SLC24A2: variants seen among roughly 807,000 people sequenced by gnomAD.
SLC24A2 encodes the protein sodium/potassium/calcium exchanger 2.
A neutral mutation model predicts 62.0 loss-of-function variants in SLC24A2; 36 were observed. The ratio of observed to expected loss-of-function variants is 0.58; its 90% CI spans 0.44 to 0.77. The LOEUF (loss-of-function observed/expected upper bound fraction) is 0.77, where lower values mean the gene tolerates loss of function less well. SLC24A2 is among the 30% of genes least tolerant of loss of function. The pLI is 0.00. For missense variants in SLC24A2, 846 were observed against 817.9 expected (o/e 1.03, Z -0.42); for synonymous variants, 358 against 294.0 (o/e 1.22, Z -2.23).
chr9:20,159,341 C>A, the SLC24A2 span, among the ~76,000 whole-genome samples: 1 of 151,658 alleles, frequency 6.6e-6, no homozygotes, highest in Non-Finnish European at 1.5e-5. Flanking sequence ...CTTGCATATA[C>A]ACTATCTCTT....
At chr9:19,765,751 G>A (rs555516430) in intron 2 of SLC24A2, among the ~76,000 whole-genome samples, 2 of 152,174 alleles carry the variant, frequency 1.3e-5, no homozygotes, top group East Asian at 1.9e-4. Context: ...TTTCAATTTT[G>A]GTGAATCTGA....
intron 2 of SLC24A2, among the ~76,000 whole-genome samples, chr9:19,762,188 C>T (rs915204966): frequency 3.3e-5 from 5 of 151,914 alleles, no homozygotes; most frequent in African/African-American, 1.2e-4. Flanking sequence ...GTTGAAGTTC[C>T]TTGTAGATTC....
the SLC24A2 span, among the ~76,000 whole-genome samples, chr9:19,953,978 A>G: frequency 6.6e-6 from 1 of 152,210 alleles, no homozygotes; most frequent in East Asian, 1.9e-4. Context: ...CTAAAAAAAA[A>G]AAAGTATCCC....
chr9:19,577,051 G>C, intron 5 of SLC24A2, 29 bp from the exon 6 acceptor site: 1 of 1,570,396 alleles, frequency 6.4e-7, no homozygotes, highest in Non-Finnish European at 8.8e-7. Flanking sequence ...GCAGGAAGGA[G>C]ACACAATGAG....
intron 2 of SLC24A2, among the ~76,000 whole-genome samples, chr9:19,754,917 G>T (rs1296372242): frequency 8.5e-5 from 13 of 152,050 alleles, no homozygotes; most frequent in Admixed American, 8.5e-4. Flanking sequence ...GCCTTTCAAT[G>T]ATTTTATAAG....
At chr9:19,983,599 G>A in the SLC24A2 span, among the ~76,000 whole-genome samples, 36 of 152,142 alleles carry the variant, frequency 2.4e-4, no homozygotes, top group African/African-American at 6.3e-4. Context: ...AGCCAAGATC[G>A]CACCACTGTA....
At chr9:20,270,819 A>C in the SLC24A2 span, among the ~76,000 whole-genome samples, 1 of 152,252 alleles carries the variant, frequency 6.6e-6, no homozygotes, top group Non-Finnish European at 1.5e-5. Context: ...TTTTTATACA[A>C]TAAAAATTTG....
the SLC24A2 span, among the ~76,000 whole-genome samples, chr9:20,069,795 T>C: frequency 6.6e-6 from 1 of 152,242 alleles, no homozygotes; most frequent in African/African-American, 2.4e-5. Flanking sequence ...CATATTATTT[T>C]ATGTAACCAA....
At chr9:19,762,612 T>A (rs1169289841) in intron 2 of SLC24A2, among the ~76,000 whole-genome samples, 1 of 152,140 alleles carries the variant, frequency 6.6e-6, no homozygotes, top group Non-Finnish European at 1.5e-5. Flanking sequence ...AAAGATCAGA[T>A]GGTTGTAGAT....
chr9:20,190,846 A>G, the SLC24A2 span, among the ~76,000 whole-genome samples: 1 of 152,246 alleles, frequency 6.6e-6, no homozygotes, highest in African/African-American at 2.4e-5. Context: ...AGGGATGACA[A>G]AAATGGTACC....
intron 2 of SLC24A2, among the ~76,000 whole-genome samples, chr9:19,715,959 A>T (rs1245188762): frequency 1.3e-5 from 2 of 152,230 alleles, no homozygotes; most frequent in Non-Finnish European, 2.9e-5. Context: ...ACAAAAACTC[A>T]AATAAAAGAG....
the SLC24A2 span, among the ~76,000 whole-genome samples, chr9:20,252,717 T>C: frequency 7.2e-3 from 1,094 of 152,308 alleles, 10 homozygotes; most frequent in African/African-American, 0.023. Context: ...TTACTACCAA[T>C]TGGCAGTTGT....
At chr9:19,846,820 A>G in the SLC24A2 span, among the ~76,000 whole-genome samples, 1 of 152,124 alleles carries the variant, frequency 6.6e-6, no homozygotes, top group Non-Finnish European at 1.5e-5. Context: ...TGAGCCCAGT[A>G]GTTCAGTAAC....
At chr9:19,816,317 G>C in the SLC24A2 span, among the ~76,000 whole-genome samples, 1 of 152,078 alleles carries the variant, frequency 6.6e-6, no homozygotes, top group Non-Finnish European at 1.5e-5. Context: ...GATAAAGAAA[G>C]CATTCATTTA....
At chr9:19,526,853 T>TC (rs34706538) in intron 9 of SLC24A2, among the ~76,000 whole-genome samples, 49,882 of 151,880 alleles carry the variant, frequency 0.33, 8,941 homozygotes, top group East Asian at 0.55. Flanking sequence ...TTTGATGAAA[T>TC]TAATTAATCA....
the SLC24A2 span, among the ~76,000 whole-genome samples, chr9:20,052,560 T>C: frequency 2.0e-5 from 3 of 152,234 alleles, no homozygotes; most frequent in Admixed American, 6.5e-5. Flanking sequence ...CTTCAATCCA[T>C]CTTCAGTTAT....
chr9:19,580,035 CTT>C (rs1432129167), intron 5 of SLC24A2, among the ~76,000 whole-genome samples: 1 of 152,238 alleles, frequency 6.6e-6, no homozygotes, highest in Non-Finnish European at 1.5e-5. Flanking sequence ...GCATGTTACT[CTT>C]TTCCCACTGC....
chr9:20,218,106 T>A, the SLC24A2 span, among the ~76,000 whole-genome samples: 1 of 152,294 alleles, frequency 6.6e-6, no homozygotes, highest in Admixed American at 6.5e-5. Flanking sequence ...CATACACATA[T>A]GTTGAGCCTT....
chr9:20,241,883 A>G, the SLC24A2 span, among the ~76,000 whole-genome samples: 794 of 152,320 alleles, frequency 5.2e-3, 2 homozygotes, highest in Middle Eastern at 0.01. Context: ...TGCAACATCA[A>G]TCGCCACCTT....
Sources: allele counts gnomAD v4.1 joint callset (sites outside exome capture counted in the v4.1 genomes callset), GRCh38; gene constraint gnomAD v4.1.1; transcripts MANE v1.5; gene names NCBI Gene and HGNC (gene_info 2026-07-23, HGNC 2026-07-21).